Variants in MACF1 observed in about 807,000 individuals in gnomAD.
MACF1 encodes microtubule actin crosslinking factor 1.
In MACF1, 193 loss-of-function variants were observed where a neutral mutation model predicts 854.8. That is an observed-to-expected ratio of 0.23 (90% CI 0.20 to 0.25). The LOEUF is 0.25. Among genes scored for constraint, MACF1 ranks in the 10% least tolerant of loss-of-function variants. The probability of loss-of-function intolerance (pLI) is 1.00; values close to 1 mark genes in which losing one functional copy is unlikely to be tolerated. For synonymous variants in MACF1, 3,185 were observed against 3,226.7 expected (o/e 0.99, Z 0.44); for missense variants, 7,722 against 8,929.1 (o/e 0.86, Z 5.45).
Position 39,284,336 on chromosome 1 carries a change from C to T in MACF1, c.1039C>T (p.Leu347Phe), listed in dbSNP as rs1312500380. The change falls in exon 11 of 101, where the codon CTT (leucine) becomes TTT (phenylalanine). Residue 347 changes from leucine to phenylalanine, a missense_variant. By Grantham distance (22) the Leu-to-Phe change is conservative (BLOSUM62 0). Around this residue, in one of 15 missense-constraint regions of MACF1, gnomAD observed 97 missense variants for 130.4 expected, o/e 0.74. Transcript: ENST00000564288. Reference protein sequence around the residue: ...FPQNPVELKALYNQYIHFKET... With the variant: ...FPQNPVELKAFYNQYIHFKET... The stretch of plus-strand genomic sequence containing the variant: ...TCACCAAATATTAATTTTATAGGCA[C>T]TTTATAACCAATATATACACTTCAA... The T allele has an allele frequency of 1.9e-6, 3 of 1,583,536 alleles. No homozygotes were observed. The highest frequency in any genetic ancestry group is 4.5e-5 in the East Asian group (2 of 44,766).
chr1:39,297,870 A>T (rs985192413), intron 21 of MACF1, 125 bp downstream of exon 21: 2 of 1,119,602 alleles, frequency 1.8e-6, no homozygotes, highest in Non-Finnish European at 2.5e-6. Context: ...TTTGGCTTAC[A>T]TTCAAATAGA....
At chr1:39,321,274 G>A (rs959109976) in intron 31 of MACF1, among the ~76,000 whole-genome samples, 3 of 152,332 alleles carry the variant, frequency 2.0e-5, no homozygotes, top group African/African-American at 7.2e-5. Context: ...TATCTATAAA[G>A]TGAGAACAAT....
At chr1:39,396,755 G>A (rs902033498) in intron 58 of MACF1, among the ~76,000 whole-genome samples, 2 of 152,152 alleles carry the variant, frequency 1.3e-5, no homozygotes, top group Admixed American at 6.5e-5. Context: ...GGTTTACTAG[G>A]AATAAAATGA....
chr1:39,312,702 G>A (rs893422865), intron 26 of MACF1, among the ~76,000 whole-genome samples: 1 of 152,110 alleles, frequency 6.6e-6, no homozygotes, highest in South Asian at 2.1e-4. Flanking sequence ...GCAGGTGCCT[G>A]TAATCCCAGC....
Position 39,331,345 on chromosome 1 carries a change from C to A in MACF1, c.4757C>A (p.Ala1586Asp). The A allele has an allele frequency of 6.2e-7, 1 of 1,614,036 alleles. No individual in the cohort carries two copies. Among genetic ancestry groups the A allele is most frequent in the Non-Finnish European group, 8.5e-7 (1 of 1,180,022 alleles). Residue 1586 changes from alanine (A) to aspartate (D), a missense_variant, in exon 37 of 101, where the codon GCC (alanine) becomes GAC (aspartate). Around this residue, in one of 15 missense-constraint regions of MACF1, gnomAD observed 1,531 missense variants for 1,601.6 expected, o/e 0.96. Transcript: ENST00000564288. ...CAGGTTATCATGTCTGGCCTCATTG[C>A]CCCTGAGACGGGTGAAAACCTCTCT... ...ESQVIMSGLI[A>D]PETGENLSLE...
chr1:39,244,709 G>A (rs1361118141), intron 2 of MACF1, among the ~76,000 whole-genome samples: 1 of 152,030 alleles, frequency 6.6e-6, no homozygotes, highest in Non-Finnish European at 1.5e-5. Flanking sequence ...CTCCCCAGTA[G>A]CTAGGATTAT....
At chr1:39,411,511 C>T (rs1160132321) in intron 58 of MACF1, 1 of 1,613,674 alleles carries the variant, frequency 6.2e-7, no homozygotes, top group Admixed American at 1.7e-5. Context: ...GGATATACCC[C>T]TGGATTGCGA....
At chr1:39,205,202 G>A in intron 1 of MACF1, 71 bp downstream of exon 1, 1 of 696,838 alleles carries the variant, frequency 1.4e-6, no homozygotes, top group South Asian at 1.5e-5. Flanking sequence ...AATGATGGAG[G>A]TCTTCCCAGT....
At chr1:39,113,176 A>G (rs1203312929) in intron 2 of MACF1, among the ~76,000 whole-genome samples, 1 of 152,004 alleles carries the variant, frequency 6.6e-6, no homozygotes, top group Non-Finnish European at 1.5e-5. Context: ...TCTCAATATC[A>G]TTCTTTCAGT....
Position 39,340,853 on chromosome 1 carries a change from T to C in MACF1, c.10481T>C (p.Leu3494Pro). The C allele has an allele frequency of 6.2e-7, 1 of 1,614,006 alleles. No homozygotes were observed. The highest frequency in any genetic ancestry group is 2.2e-5 in the East Asian group (1 of 44,886). The change falls in exon 40 of 101, where the codon CTG (leucine) becomes CCG (proline). Residue 3494 changes from leucine to proline, a missense_variant. This residue lies in a region of MACF1 where 854 missense variants were observed against 852.6 expected (regional missense o/e 1.00). Coordinates refer to ENST00000564288, the MANE Select transcript of MACF1 (RefSeq NM_001394062.1). ...HTQLEGRLQD[L>P]RAWVGNKNLI... ...CAGCTAGAAGGCCGACTTCAAGATCTGAGAGCCTGGGTTGGCAATAAAAAT... is the reference window on the plus strand; with the variant it reads ...CAGCTAGAAGGCCGACTTCAAGATCCGAGAGCCTGGGTTGGCAATAAAAAT...
chr1:39,254,310 G>A lies in MACF1; in HGVS notation c.370G>A (p.Gly124Ser). Residue 124 changes from glycine (G) to serine (S), a missense_variant, in exon 5 of 101, where the codon GGC becomes AGC. Physicochemically the swap from Gly to Ser is moderately conservative, Grantham distance 56. Coordinates refer to ENST00000564288, the MANE Select transcript of MACF1 (RefSeq NM_001394062.1). ...EDDDDVPREK[G>S]RMRFHRLQNV... ...TGTTTGTTTGCAGCCCCGGGAGAAG[G>A]GCAGGATGCGTTTTCATAGGCTGCA... 6.2e-7 allele frequency: 1 copy of A among 1,614,070 alleles called. No individual in the cohort carries two copies. Among genetic ancestry groups the A allele is most frequent in the Non-Finnish European group, 8.5e-7 (1 of 1,179,992 alleles).
chr1:39,102,435 G>A (rs895035899), intron 2 of MACF1, among the ~76,000 whole-genome samples: 40 of 2,190 alleles, frequency 0.018, no homozygotes, highest in Non-Finnish European at 0.016. Context: ...AATTGGAGGC[G>A]GGGGGGGGGT....
At position 39,335,424 on chromosome 1, in the gene MACF1, G is replaced by C. The variant is rs769349363; in HGVS notation, c.8836G>C (p.Val2946Leu). The change falls in exon 37 of 101, where the codon GTA (valine) becomes CTA (leucine). Residue 2946 changes from valine (V) to leucine (L), a missense_variant. Val to Leu is a conservative substitution (Grantham distance 32). This residue lies in a region of MACF1 where 854 missense variants were observed against 852.6 expected (regional missense o/e 1.00). Transcript: ENST00000564288. ...AAATCAAGGGGAAGTGATTTTGGAA[G>C]TACAAGAAACATATTGTGAAACGTC... ...RENQGEVILE[V>L]QETYCETSGK... The C allele has an allele frequency of 1.9e-6, 3 of 1,614,200 alleles. No individual in the cohort carries two copies. In the South Asian group the frequency reaches 3.3e-5, roughly 18 times the overall value.
Position 39,460,684 on chromosome 1 carries a change from G to A in MACF1, c.21413G>A (p.Arg7138His). ...GATGTCTGGAGGAAAAAGTATATGC[G>A]TTGGATGAATCACAAAAAGTCTCGA... Reference protein sequence around the residue: ...DFDVWRKKYMRWMNHKKSRVM... With the variant: ...DFDVWRKKYMHWMNHKKSRVM... The change falls in exon 92 of 101, where the codon CGT (arginine) becomes CAT (histidine). Residue 7138 changes from arginine (R) to histidine (H), a missense_variant. Physicochemically the swap from Arg to His is conservative, Grantham distance 29 (BLOSUM62 0). Coordinates refer to ENST00000564288, the MANE Select transcript of MACF1 (RefSeq NM_001394062.1). This position sits in a 1 kb window ranked among gnomAD's most constrained non-coding sequence, Gnocchi z 4.1. 3.1e-6 allele frequency: 5 copies of A among 1,614,172 alleles called. No homozygotes were observed. The highest frequency in any genetic ancestry group is 2.5e-6 in the Non-Finnish European group (3 of 1,180,020).
chr1:39,442,286 G>T lies in MACF1; in HGVS notation c.18914G>T (p.Trp6305Leu). Residue 6305 changes from tryptophan (W) to leucine (L), a missense_variant, in exon 76 of 101, where the codon TGG becomes TTG. This residue lies in a region of MACF1 where 2,807 missense variants were observed against 3,235.8 expected (regional missense o/e 0.87). Transcript: ENST00000564288. Reference protein sequence around the residue: ...REPLTELKHLWENLGEKIAHR... With the variant: ...REPLTELKHLLENLGEKIAHR... ...CCACTGACAGAACTCAAACACCTCTGGGAGAACCTGGGTGAGAAAATTGCC... is the reference window on the plus strand; with the variant it reads ...CCACTGACAGAACTCAAACACCTCTTGGAGAACCTGGGTGAGAAAATTGCC... The T allele has an allele frequency of 6.2e-7, 1 of 1,602,418 alleles. No individual in the cohort carries two copies. Among genetic ancestry groups the T allele is most frequent in the Non-Finnish European group, 8.5e-7 (1 of 1,175,936 alleles).
chr1:39,443,579 T>C lies in MACF1; in HGVS notation c.19431+5T>C. 6.3e-7 allele frequency: 1 copy of C among 1,588,664 alleles called. No individual in the cohort carries two copies. Among genetic ancestry groups the C allele is most frequent in the South Asian group, 1.2e-5 (1 of 86,232 alleles). ...GAACAGCTTGATACACATATGGTAA[T>C]AGCAATTTTTTGAAATTGAGCATAA... On this transcript the variant is annotated splice_donor_5th_base_variant and intron_variant, in intron 79 of 100. Transcript: ENST00000564288.
chr1:39,212,953 T>G (rs1408390539), intron 1 of MACF1, among the ~76,000 whole-genome samples: 4 of 152,200 alleles, frequency 2.6e-5, no homozygotes, highest in Non-Finnish European at 5.9e-5. Context: ...TTGTTACCCT[T>G]CCCAAGAATA....
chr1:39,120,102 T>C (rs1642660276), intron 2 of MACF1, among the ~76,000 whole-genome samples: 1 of 152,092 alleles, frequency 6.6e-6, no homozygotes, highest in African/African-American at 2.4e-5. Flanking sequence ...GAGGCTGGTC[T>C]TGAACTTCTG....
Position 39,205,122 on chromosome 1 carries a change from G to A in MACF1, c.100G>A (p.Gly34Ser), listed in dbSNP as rs755757298. Residue 34 changes from glycine to serine, a missense_variant, in exon 1 of 101, where the codon GGT becomes AGT. Around this residue, in one of 15 missense-constraint regions of MACF1, gnomAD observed 22 missense variants for 16.1 expected, o/e 1.37. Coordinates refer to ENST00000564288, the MANE Select transcript of MACF1 (RefSeq NM_001394062.1). ...GVLYWKRHAR[G>S]RADERDRVQK... ...TCTATACTGGAAGAGGCATGCCAGA[G>A]GTAGAGCAGGTAACTAACTGGTACC... 1 of 702,990 alleles carries A rather than the reference G, an allele frequency of 1.4e-6. No individual in the cohort carries two copies. 43.5% of individuals were successfully genotyped at this position (702,990 alleles called of 1,614,324 possible).
Sources: allele counts gnomAD v4.1 joint callset (sites outside exome capture counted in the v4.1 genomes callset), GRCh38; gene constraint gnomAD v4.1.1; regional missense constraint gnomAD v4.1.1; non-coding constraint Gnocchi (gnomAD v3.1); transcripts MANE v1.5; gene names NCBI Gene and HGNC (gene_info 2026-07-23, HGNC 2026-07-21).